LIPA: variants seen among roughly 807,000 people sequenced by gnomAD.
LIPA encodes the protein lipase A, lysosomal acid type.
Under a neutral mutation model 40.6 loss-of-function variants are expected in LIPA, and 26 were observed. That is an observed-to-expected ratio of 0.64 (90% confidence interval 0.47 to 0.89). The LOEUF (loss-of-function observed/expected upper bound fraction) is 0.89, where lower values mean the gene tolerates loss of function less well. Ranked by LOEUF, LIPA falls within the 40% of genes least tolerant of loss-of-function variation. The pLI, the probability that LIPA is intolerant of heterozygous loss-of-function variation, is 0.00. For synonymous variants in LIPA, 188 were observed against 168.4 expected (o/e 1.12, Z -0.90); for missense variants, 455 against 479.6 (o/e 0.95, Z 0.48).
chr10:89,411,262 A>T (rs943113331), intron 2 of LIPA, among the ~76,000 whole-genome samples: 2 of 151,742 alleles, frequency 1.3e-5, no homozygotes, highest in African/African-American at 4.9e-5. Context: ...GACAGGACGG[A>T]TAGATGGTTC....
intron 2 of LIPA, among the ~76,000 whole-genome samples, chr10:89,397,223 A>G (rs1589635259): frequency 6.6e-6 from 1 of 151,960 alleles, no homozygotes; most frequent in African/African-American, 2.4e-5. Context: ...GTTGGTAATG[A>G]ATATTCTTGA....
intron 3 of LIPA, 104 bp from the exon 4 acceptor site, chr10:89,228,502 A>T (rs951148924): frequency 1.0e-6 from 1 of 964,370 alleles, no homozygotes; most frequent in Non-Finnish European, 1.7e-6. Flanking sequence ...GCAAATAATG[A>T]ACTAGAAATA....
intron 3 of LIPA, among the ~76,000 whole-genome samples, chr10:89,230,772 T>C (rs1173177419): frequency 6.6e-6 from 1 of 152,208 alleles, no homozygotes; most frequent in Non-Finnish European, 1.5e-5. Flanking sequence ...AGATATTATA[T>C]GAAAAGTAGG....
chr10:89,303,009 CAAAA>C (rs11420925), intron 1 of LIPA, among the ~76,000 whole-genome samples: 1 of 132,172 alleles, frequency 7.6e-6, no homozygotes. Context: ...TGCCTGATTT[CAAAA>C]AAAAAAAAAA....
At chr10:89,236,772 T>G (rs1842910070) in intron 3 of LIPA, among the ~76,000 whole-genome samples, 1 of 152,188 alleles carries the variant, frequency 6.6e-6, no homozygotes. Flanking sequence ...AAATGCAGCT[T>G]TTATGTGGGT....
At chr10:89,311,081 T>C (rs1324144691) in intron 1 of LIPA, among the ~76,000 whole-genome samples, 5 of 152,208 alleles carry the variant, frequency 3.3e-5, no homozygotes, top group Non-Finnish European at 5.9e-5. Context: ...ATCCTGGATA[T>C]CCCAAGTAAA....
At chr10:89,379,404 T>C (rs1435935365) in intron 2 of LIPA, among the ~76,000 whole-genome samples, 1 of 152,168 alleles carries the variant, frequency 6.6e-6, no homozygotes, top group African/African-American at 2.4e-5. Context: ...GAAAAACCAT[T>C]ATACTAGATG....
intron 1 of LIPA, among the ~76,000 whole-genome samples, chr10:89,287,331 G>A (rs947619424): frequency 6.6e-6 from 1 of 152,096 alleles, no homozygotes; most frequent in African/African-American, 2.4e-5. Flanking sequence ...CTCCATAACT[G>A]TTGTGGGTAT....
Position 89,228,223 on chromosome 10 carries a change from A to G in LIPA, c.405T>C (p.Ser135=). The G allele has an allele frequency of 6.2e-7, 1 of 1,614,160 alleles. No homozygotes were observed. Among genetic ancestry groups the G allele is most frequent in the Non-Finnish European group, 8.5e-7 (1 of 1,179,974 alleles). The change falls in exon 4 of 10, where the codon TCT becomes TCC. Residue 135 remains serine (S), a synonymous_variant. Transcript: ENST00000336233. ...ACCTGAAAGCCCAGAATTCATCCTG[A>G]GAAACTGAGAGTGTCTTATGTTTCC... ...WSRKHKTLSV[S]QDEFWAFSYD... is the part of the protein sequence containing the mutation.
intron 4 of LIPA, 105 bp downstream of exon 4, chr10:89,228,095 T>A (rs969068360): frequency 1.0e-6 from 1 of 959,138 alleles, no homozygotes; most frequent in African/African-American, 1.6e-5. Context: ...TCCCCTCTCA[T>A]ACAACTTCAG....
intron 2 of LIPA, among the ~76,000 whole-genome samples, chr10:89,351,535 T>C (rs138163662): frequency 6.6e-6 from 1 of 152,322 alleles, no homozygotes; most frequent in African/African-American, 2.4e-5. Flanking sequence ...CTATGTCTGC[T>C]TTCAGTTCAG....
intron 1 of LIPA, among the ~76,000 whole-genome samples, chr10:89,328,564 C>A (rs565627755): frequency 6.6e-6 from 1 of 152,248 alleles, no homozygotes; most frequent in Non-Finnish European, 1.5e-5. Flanking sequence ...GTGAAAGATA[C>A]AATCAGTACT....
chr10:89,236,637 G>A (rs1842907943), intron 3 of LIPA, among the ~76,000 whole-genome samples: 1 of 152,070 alleles, frequency 6.6e-6, no homozygotes, highest in Non-Finnish European at 1.5e-5. Flanking sequence ...CAAGATAAAT[G>A]ACACATAAAG....
intron 1 of LIPA, among the ~76,000 whole-genome samples, chr10:89,320,552 C>T (rs906897036): frequency 1.3e-5 from 2 of 152,142 alleles, no homozygotes; most frequent in African/African-American, 4.8e-5. Context: ...CAAACCACTG[C>T]TCAATGAAAT....
At chr10:89,360,881 T>G (rs997556749) in intron 2 of LIPA, among the ~76,000 whole-genome samples, 1 of 152,216 alleles carries the variant, frequency 6.6e-6, no homozygotes, top group Non-Finnish European at 1.5e-5. Context: ...AATCAAGGTA[T>G]CAGCAGAGCC....
chr10:89,374,328 C>T (rs1357517107), intron 2 of LIPA, among the ~76,000 whole-genome samples: 1 of 150,436 alleles, frequency 6.6e-6, no homozygotes, highest in Non-Finnish European at 1.5e-5. Context: ...TATTTGTAGA[C>T]ACAGACACAC....
intron 1 of LIPA, among the ~76,000 whole-genome samples, chr10:89,251,188 A>G (rs1369965757): frequency 6.6e-6 from 1 of 152,182 alleles, no homozygotes; most frequent in African/African-American, 2.4e-5. Context: ...CACCGACCCT[A>G]TGGCAGTACC....
intron 2 of LIPA, among the ~76,000 whole-genome samples, chr10:89,407,072 T>C (rs1693347722): frequency 6.6e-6 from 1 of 152,128 alleles, no homozygotes. Context: ...GTTGGGAGCG[T>C]TGGTTTGCCT....
At chr10:89,339,638 C>T (rs2133570799) in intron 1 of LIPA, 1 of 1,614,174 alleles carries the variant, frequency 6.2e-7, no homozygotes, top group Non-Finnish European at 8.5e-7. Flanking sequence ...GGACTGAATC[C>T]TCTGAATGCA....
Sources: gnomAD v4.1 joint callset for allele counts (sites outside exome capture counted in the v4.1 genomes callset) on GRCh38, gnomAD v4.1.1 for gene constraint, MANE v1.5 for transcripts, NCBI Gene and HGNC (gene_info 2026-07-23, HGNC 2026-07-21) for gene names.